The following RAI14 variants were observed in gnomAD, a reference collection of about 807,000 sequenced individuals.
The protein encoded by RAI14 is retinoic acid induced 14, also known as ankycorbin.
A neutral mutation model predicts 115.4 loss-of-function variants in RAI14; 45 were observed. That is an observed-to-expected ratio of 0.39 (90% confidence interval 0.31 to 0.50). The LOEUF (loss-of-function observed/expected upper bound fraction) is 0.50, where lower values mean the gene tolerates loss of function less well. Ranked by LOEUF, RAI14 falls within the 20% of genes least tolerant of loss-of-function variation. The probability of loss-of-function intolerance (pLI) is 0.85; values close to 1 mark genes in which losing one functional copy is unlikely to be tolerated. For synonymous variants in RAI14, 371 were observed against 415.4 expected, an observed-to-expected ratio of 0.89 and a Z score of 1.30; for missense variants, 939 against 1,131.2, an observed-to-expected ratio of 0.83 and a Z score of 2.44.
chr5:34,672,413 T>A (rs1743685985), intron 1 of RAI14, among the ~76,000 whole-genome samples: 1 of 152,180 alleles, frequency 6.6e-6, no homozygotes, highest in Non-Finnish European at 1.5e-5. Flanking sequence ...ATTCAGTCTT[T>A]ACTGGTTAAT....
At chr5:34,740,007 C>T (rs186384045) in intron 2 of RAI14, among the ~76,000 whole-genome samples, 8 of 152,142 alleles carry the variant, frequency 5.3e-5, no homozygotes, top group Admixed American at 3.9e-4. Context: ...GAGCTGAGGT[C>T]GCACCACTGC....
At chr5:34,760,350 G>T (rs1748471265) in intron 3 of RAI14, among the ~76,000 whole-genome samples, 1 of 151,978 alleles carries the variant, frequency 6.6e-6, no homozygotes, top group African/African-American at 2.4e-5. Flanking sequence ...TAAAAATATT[G>T]ATGCCATGTT....
chr5:34,812,167 T>A lies in RAI14; in HGVS notation c.737-13T>A. ...GCTTCTTATAGTTCTTTTTTTCACT[T>A]TTTCCTCTATAGATTTAAAGACCCC... On this transcript the variant is annotated splice_polypyrimidine_tract_variant and intron_variant, in intron 9 of 17. Coordinates refer to ENST00000265109, the MANE Select transcript of RAI14 (RefSeq NM_015577.3). 1 of 1,574,354 alleles carries A rather than the reference T, an allele frequency of 6.4e-7. No individual in the cohort carries two copies. Among genetic ancestry groups the A allele is most frequent in the African/African-American group, 1.4e-5 (1 of 73,622 alleles).
chr5:34,810,077 A>G (rs1258170427), intron 7 of RAI14, among the ~76,000 whole-genome samples: 2 of 152,236 alleles, frequency 1.3e-5, no homozygotes, highest in Non-Finnish European at 1.5e-5. Flanking sequence ...ATAACTTCAC[A>G]GAGATAGTGC....
chr5:34,742,403 C>T (rs114123170), intron 2 of RAI14, among the ~76,000 whole-genome samples: 2,813 of 152,216 alleles, frequency 0.018, 33 homozygotes, highest in Non-Finnish European at 0.026. Flanking sequence ...TAATTTTGGC[C>T]GACAGTAGAA....
intron 11 of RAI14, 99 bp downstream of exon 11, chr5:34,813,759 C>T (rs1272531695): frequency 1.3e-6 from 1 of 793,534 alleles, no homozygotes; most frequent in African/African-American, 1.8e-5. Context: ...TAGAACTGAC[C>T]TTTAAGTGCA....
Position 34,704,058 on chromosome 5 carries a change from G to A in RAI14, c.36+17103G>A, listed in dbSNP as rs538584341. The stretch of plus-strand genomic sequence containing the variant: ...ACCTAATCTGAAATTCTGGAAGTGC[G>A]GCCCAGTGATCTGTGTTTCAAAAGC... On this transcript the variant is annotated intron_variant, in intron 2 of 17. Coordinates refer to ENST00000265109, the MANE Select transcript of RAI14 (RefSeq NM_015577.3). Among the ~76,000 whole-genome samples, 56 of 152,270 alleles carry A rather than the reference G, an allele frequency of 3.7e-4. No homozygotes were observed. The South Asian group carries it at 9.7e-3, about 26-fold the overall frequency.
intron 3 of RAI14, among the ~76,000 whole-genome samples, chr5:34,784,216 C>G (rs551144253): frequency 6.6e-6 from 1 of 152,346 alleles, no homozygotes; most frequent in Admixed American, 6.5e-5. Flanking sequence ...ACCTCAATTA[C>G]AGCTACAAGC....
intron 12 of RAI14, among the ~76,000 whole-genome samples, chr5:34,816,356 A>G (rs963828049): frequency 5.3e-5 from 8 of 152,204 alleles, no homozygotes; most frequent in African/African-American, 1.9e-4. Flanking sequence ...AATTCCAATC[A>G]AAGAGACAGA....
At chr5:34,764,199 T>C (rs2150112425) in intron 3 of RAI14, among the ~76,000 whole-genome samples, 1 of 152,298 alleles carries the variant, frequency 6.6e-6, no homozygotes, top group South Asian at 2.1e-4. Context: ...CATGCTTTCT[T>C]TCCCTTCTTT....
intron 2 of RAI14, among the ~76,000 whole-genome samples, chr5:34,723,490 C>G (rs1743065311): frequency 6.6e-6 from 1 of 152,152 alleles, no homozygotes; most frequent in Admixed American, 6.5e-5. Context: ...AGGTGCTCCT[C>G]TTTACTCAAA....
intron 3 of RAI14, among the ~76,000 whole-genome samples, chr5:34,786,135 C>T (rs193029491): frequency 9.0e-4 from 137 of 152,304 alleles, no homozygotes; most frequent in African/African-American, 3.1e-3. Context: ...CGGTTTGGAA[C>T]GGGGCCCGGG....
At chr5:34,665,035 A>G (rs200064043) in intron 1 of RAI14, among the ~76,000 whole-genome samples, 229 of 37,198 alleles carry the variant, frequency 6.2e-3, no homozygotes, top group East Asian at 9.4e-3. Context: ...ATATATATGT[A>G]TATATATGTG....
chr5:34,810,123 C>T (rs1755408874), intron 7 of RAI14, among the ~76,000 whole-genome samples: 1 of 152,152 alleles, frequency 6.6e-6, no homozygotes, highest in African/African-American at 2.4e-5. Flanking sequence ...TGACAATACT[C>T]AATCTTTAAG....
chr5:34,661,159 T>G (rs1248143821), intron 1 of RAI14, among the ~76,000 whole-genome samples: 2 of 152,230 alleles, frequency 1.3e-5, no homozygotes, highest in African/African-American at 2.4e-5. Context: ...ACATTCCTGA[T>G]CCAAAAATTT....
chr5:34,733,585 C>A (rs1242558466), intron 2 of RAI14, among the ~76,000 whole-genome samples: 1 of 152,200 alleles, frequency 6.6e-6, no homozygotes, highest in Non-Finnish European at 1.5e-5. Context: ...ATCTCTCTTT[C>A]ACCTAGAGCA....
chr5:34,820,933 A>C (rs1307371740), intron 13 of RAI14, among the ~76,000 whole-genome samples: 1 of 152,232 alleles, frequency 6.6e-6, no homozygotes, highest in Non-Finnish European at 1.5e-5. Context: ...AAAGTTTGAC[A>C]TGATGCTTAA....
chr5:34,772,741 A>G (rs1750334617), intron 3 of RAI14, among the ~76,000 whole-genome samples: 2 of 152,120 alleles, frequency 1.3e-5, no homozygotes, highest in African/African-American at 4.8e-5. Context: ...TCCATCATTC[A>G]TTCAGGCTGC....
In RAI14 at chr5:34,805,128, G is replaced by A. The variant is rs149550197; in HGVS notation, c.321+1352G>A. Among the ~76,000 whole-genome samples the A allele has an allele frequency of 1.9e-3, 295 of 152,292 alleles. 2 individuals carry two copies. Among genetic ancestry groups the A allele is most frequent in the Non-Finnish European group, 3.2e-3 (221 of 68,028 alleles). On this transcript the variant is annotated intron_variant, in intron 5 of 17. Coordinates refer to ENST00000265109, the MANE Select transcript of RAI14 (RefSeq NM_015577.3). ...AAATTAGGCCAAAGCATGGTAAGTCGTAACTTAATCTCCATTCTTCTTACC... is the reference window on the plus strand; with the variant it reads ...AAATTAGGCCAAAGCATGGTAAGTCATAACTTAATCTCCATTCTTCTTACC...
Sources: gnomAD v4.1 joint callset for allele counts (sites outside exome capture counted in the v4.1 genomes callset) on GRCh38, gnomAD v4.1.1 for gene constraint, MANE v1.5 for transcripts, NCBI Gene and HGNC (gene_info 2026-07-23, HGNC 2026-07-21) for gene names.